Variants in CDK19 observed in about 807,000 individuals in gnomAD.
CDK19 encodes the protein cyclin dependent kinase 19.
CDK19 carries 20 observed loss-of-function variants against 68.3 expected under a neutral mutation model. That is an observed-to-expected ratio of 0.29 (90% CI 0.21 to 0.43). The LOEUF is 0.43. Ranked by LOEUF, CDK19 falls within the 20% of genes least tolerant of loss-of-function variation. The probability of loss-of-function intolerance (pLI) is 1.00; values close to 1 mark genes in which losing one functional copy is unlikely to be tolerated. For missense variants in CDK19, 339 were observed against 623.5 expected, an observed-to-expected ratio of 0.54 and a Z score of 4.86; for synonymous variants, 221 against 222.8, an observed-to-expected ratio of 0.99 and a Z score of 0.07.
At chr6:110,745,093 A>T (rs1279095343) in intron 2 of CDK19, among the ~76,000 whole-genome samples, 1 of 152,208 alleles carries the variant, frequency 6.6e-6, no homozygotes, top group Non-Finnish European at 1.5e-5. Context: ...ATATTATGGT[A>T]AAGCCCTAAT....
At chr6:110,749,844 T>C (rs1024407934) in intron 1 of CDK19, among the ~76,000 whole-genome samples, 3 of 108,760 alleles carry the variant, frequency 2.8e-5, no homozygotes, top group African/African-American at 6.4e-5. Context: ...ATGATCTCAG[T>C]TCAGTGCAAC....
At chr6:110,676,303 GAA>G (rs59713766) in intron 2 of CDK19, among the ~76,000 whole-genome samples, 1 of 152,138 alleles carries the variant, frequency 6.6e-6, no homozygotes, top group Non-Finnish European at 1.5e-5. Context: ...GATGGGCAAA[GAA>G]AGTGATTTCC....
At chr6:110,654,990 G>T (rs1781216939) in intron 4 of CDK19, among the ~76,000 whole-genome samples, 1 of 151,526 alleles carries the variant, frequency 6.6e-6, no homozygotes, top group South Asian at 2.1e-4. Flanking sequence ...AAGGAAACTA[G>T]AATAAATACT....
chr6:110,687,608 G>A lies in CDK19; in HGVS notation c.205-17067C>T, dbSNP rs543838745. 2.0e-5 allele frequency among the ~76,000 whole-genome samples: 3 copies of A among 152,234 alleles called. No individual in the cohort carries two copies. In the South Asian group the frequency reaches 6.2e-4, roughly 32 times the overall value. On this transcript the variant is annotated intron_variant, in intron 2 of 12. Coordinates refer to ENST00000368911, the MANE Select transcript of CDK19 (RefSeq NM_015076.5). ...ACGTGTTATGAGAAAACACAGAGGG[G>A]GATGAGCTTCCACAATGAAGTAAAT... is the stretch of plus-strand genomic sequence containing the variant.
rs890108731 is a variant in CDK19 at position 110,720,888 on chromosome 6, T to A, written c.204+25238A>T. On this transcript the variant is annotated intron_variant, in intron 2 of 12. Transcript: ENST00000368911. ...GTCTCAAAAAAAAAAAAAAAAAAAA[T>A]TTCATTTGGTTACATGCTATACACG... Among the ~76,000 whole-genome samples, 9 of 143,740 alleles carry A rather than the reference T, an allele frequency of 6.3e-5. No individual in the cohort carries two copies. The South Asian group carries it at 1.2e-3, about 18-fold the overall frequency. 94.3% of individuals were successfully genotyped at this position (143,740 alleles called of 152,430 possible). A position where few individuals can be genotyped will look rare whatever the true frequency, so the allele number is the denominator to read the frequency against.
At chr6:110,697,282 A>G (rs1773558401) in intron 2 of CDK19, among the ~76,000 whole-genome samples, 1 of 151,882 alleles carries the variant, frequency 6.6e-6, no homozygotes, top group African/African-American at 2.4e-5. Flanking sequence ...TAAATTCAAT[A>G]AAGTTTCAAA....
At chr6:110,666,384 C>T (rs887142905) in intron 4 of CDK19, among the ~76,000 whole-genome samples, 1 of 132,746 alleles carries the variant, frequency 7.5e-6, no homozygotes, top group Non-Finnish European at 1.5e-5. Context: ...GAGATGGCGC[C>T]ACTGCACTCC....
In CDK19 at chr6:110,730,506, T is replaced by C. The variant is rs148486165; in HGVS notation, c.204+15620A>G. On this transcript the variant is annotated intron_variant, in intron 2 of 12. Coordinates refer to ENST00000368911, the MANE Select transcript of CDK19 (RefSeq NM_015076.5). The stretch of plus-strand genomic sequence containing the variant: ...ATAATTATGGATACAAATAAGCCCA[T>C]AAACTGTCCCATAACATGTAGATAG... Among the ~76,000 whole-genome samples the C allele has an allele frequency of 2.4e-3, 358 of 152,292 alleles. 5 individuals carry two copies. Among genetic ancestry groups the C allele is most frequent in the Admixed American group, 0.021 (318 of 15,288 alleles).
intron 2 of CDK19, among the ~76,000 whole-genome samples, chr6:110,718,375 A>G (rs1775567977): frequency 6.6e-6 from 1 of 152,202 alleles, no homozygotes; most frequent in Non-Finnish European, 1.5e-5. Flanking sequence ...CAGAGTCCAG[A>G]GCCCTAGGAA....
At chr6:110,658,984 C>T (rs143487551) in intron 4 of CDK19, among the ~76,000 whole-genome samples, 40 of 152,274 alleles carry the variant, frequency 2.6e-4, no homozygotes, top group African/African-American at 9.6e-4. Context: ...CAGTATTCCC[C>T]ATTTTACAGA....
chr6:110,695,591 C>T (rs912163960), intron 2 of CDK19, among the ~76,000 whole-genome samples: 2 of 152,110 alleles, frequency 1.3e-5, no homozygotes, highest in African/African-American at 2.4e-5. Context: ...AATTGATAGA[C>T]CATTAGCAAG....
chr6:110,627,082 C>T lies in CDK19; in HGVS notation c.710G>A (p.Arg237His), dbSNP rs749643967. The T allele has an allele frequency of 1.9e-6, 3 of 1,612,366 alleles. No homozygotes were observed. The highest frequency in any genetic ancestry group is 1.7e-5 in the Admixed American group (1 of 59,988). The change falls in exon 7 of 13, where the codon CGT (arginine) becomes CAT (histidine). Residue 237 changes from arginine to histidine, a missense_variant. Transcript: ENST00000368911. ...ATTGCTTGTTTTTATATCTTCCTGA[C>T]GACAGTGAAAAATAGGTTCCGAAGT... is the stretch of plus-strand genomic sequence containing the variant. ...LLTSEPIFHC[R>H]QEDIKTSNPF...
chr6:110,670,151 C>G (rs1770874103), intron 3 of CDK19, among the ~76,000 whole-genome samples: 1 of 151,870 alleles, frequency 6.6e-6, no homozygotes. Context: ...GAGCAAAACT[C>G]CCTTCCCCGT....
chr6:110,796,584 G>A (rs1398228370), intron 1 of CDK19, among the ~76,000 whole-genome samples: 7 of 152,130 alleles, frequency 4.6e-5, no homozygotes, highest in African/African-American at 1.4e-4. Context: ...AGGAGGCAGA[G>A]GTTGCGGTGA....
intron 1 of CDK19, among the ~76,000 whole-genome samples, chr6:110,748,880 T>C (rs1778259118): frequency 6.6e-6 from 1 of 152,260 alleles, no homozygotes; most frequent in African/African-American, 2.4e-5. Context: ...AAGAACAATT[T>C]TTTATTTTAC....
intron 1 of CDK19, among the ~76,000 whole-genome samples, chr6:110,762,539 T>C (rs970160284): frequency 4.6e-5 from 7 of 152,346 alleles, no homozygotes; most frequent in African/African-American, 1.4e-4. Context: ...AGGTTACTTA[T>C]ACCTTCATAT....
chr6:110,713,763 TC>T (rs1775152954), intron 2 of CDK19, among the ~76,000 whole-genome samples: 1 of 152,138 alleles, frequency 6.6e-6, no homozygotes, highest in Non-Finnish European at 1.5e-5. Context: ...AGGCCTGTAA[TC>T]CTAGCATTTG....
chr6:110,737,327 AG>A (rs529445665), intron 2 of CDK19, among the ~76,000 whole-genome samples: 10 of 152,378 alleles, frequency 6.6e-5, no homozygotes, highest in Middle Eastern at 3.4e-3. Flanking sequence ...AAAAGTGAGA[AG>A]GAACAAAACC....
intron 1 of CDK19, among the ~76,000 whole-genome samples, chr6:110,767,218 G>A (rs941151375): frequency 2.0e-5 from 3 of 151,988 alleles, no homozygotes; most frequent in Non-Finnish European, 4.4e-5. Flanking sequence ...CAGAGGTTGG[G>A]AAGGGCCAGG....
Sources: gnomAD v4.1 joint callset for allele counts (sites outside exome capture counted in the v4.1 genomes callset) on GRCh38, gnomAD v4.1.1 for gene constraint, MANE v1.5 for transcripts, NCBI Gene and HGNC (gene_info 2026-07-23, HGNC 2026-07-21) for gene names.